Variants in AFAP1 observed in about 807,000 individuals in gnomAD.
The protein encoded by AFAP1 is actin filament associated protein 1.
AFAP1 carries 75 observed loss-of-function variants against 93.9 expected under a neutral mutation model. The observed-to-expected ratio is 0.80, with a 90% confidence interval of 0.66 to 0.97. The LOEUF (loss-of-function observed/expected upper bound fraction) is 0.97. AFAP1 is among the 50% of genes least tolerant of loss of function. The pLI is 0.00. For synonymous variants in AFAP1, 517 were observed against 430.7 expected (o/e 1.20, Z -2.48); for missense variants, 1,201 against 1,050.8 (o/e 1.14, Z -1.98).
intron 17 of AFAP1, among the ~76,000 whole-genome samples, chr4:7,764,014 C>T (rs975350341): frequency 6.6e-6 from 1 of 152,220 alleles, no homozygotes; most frequent in African/African-American, 2.4e-5. Context: ...TTCACAGCAG[C>T]ATGACTCACA....
intron 3 of AFAP1, among the ~76,000 whole-genome samples, chr4:7,864,800 T>C (rs1716221469): frequency 6.6e-6 from 1 of 152,204 alleles, no homozygotes; most frequent in Admixed American, 6.5e-5. Flanking sequence ...TTCTCTGAGA[T>C]GCTTTAGAAA....
chr4:7,843,286 C>T lies in AFAP1; in HGVS notation c.399G>A (p.Lys133=). 1.2e-6 allele frequency: 2 copies of T among 1,614,132 alleles called. No homozygotes were observed. The highest frequency in any genetic ancestry group is 2.2e-5 in the South Asian group (2 of 91,074). ...ESYDEEEEDG[K]GKKTRHQWPS... ...GCCACTGGTGCCGGGTTTTCTTCCC[C>T]TTCCCATCCTCCTCCTCTTCATCAT... The change falls in exon 5 of 18, where the codon AAG becomes AAA. Residue 133 remains lysine (K), a synonymous_variant. Transcript: ENST00000420658.
intron 8 of AFAP1, among the ~76,000 whole-genome samples, chr4:7,810,294 T>A (rs1719895515): frequency 6.6e-6 from 1 of 152,032 alleles, no homozygotes; most frequent in South Asian, 2.1e-4. Flanking sequence ...TAAGATAGGG[T>A]TATGTGGAAG....
chr4:7,886,460 C>T (rs1278519866), intron 1 of AFAP1, among the ~76,000 whole-genome samples: 2 of 152,166 alleles, frequency 1.3e-5, no homozygotes, highest in African/African-American at 4.8e-5. Flanking sequence ...CTCAATATCC[C>T]AAAGGAAAGC....
intron 17 of AFAP1, among the ~76,000 whole-genome samples, chr4:7,767,609 G>A (rs572286550): frequency 2.6e-5 from 4 of 152,216 alleles, no homozygotes; most frequent in African/African-American, 9.6e-5. Flanking sequence ...CGACACACAC[G>A]GTCTTCAGTA....
At chr4:7,902,810 G>A (rs1000921028) in intron 1 of AFAP1, among the ~76,000 whole-genome samples, 1 of 152,168 alleles carries the variant, frequency 6.6e-6, no homozygotes, top group Admixed American at 6.5e-5. Context: ...TACCGCAGTG[G>A]CCTGGAGCGC....
At chr4:7,925,659 C>T (rs1456161784) in intron 1 of AFAP1, among the ~76,000 whole-genome samples, 1 of 152,112 alleles carries the variant, frequency 6.6e-6, no homozygotes, top group Non-Finnish European at 1.5e-5. Context: ...CCAGCCTGAC[C>T]AACAAGGAAA....
intron 12 of AFAP1, among the ~76,000 whole-genome samples, chr4:7,782,234 G>T (rs767199902): frequency 2.6e-5 from 4 of 152,374 alleles, no homozygotes; most frequent in South Asian, 2.1e-4. Flanking sequence ...AGAGCGGAGG[G>T]AAGGGCGCGC....
At chr4:7,904,608 G>T (rs1034608955) in intron 1 of AFAP1, among the ~76,000 whole-genome samples, 14 of 152,182 alleles carry the variant, frequency 9.2e-5, no homozygotes, top group African/African-American at 3.1e-4. Context: ...GGCATAGAAA[G>T]ATTAAGTAAG....
chr4:7,781,395 G>C lies in AFAP1; in HGVS notation c.1763C>G (p.Ser588Cys), dbSNP rs1177053227. Reference protein sequence around the residue: ...VTNTSSVGRASLGLNSQLKGK... With the variant: ...VTNTSSVGRACLGLNSQLKGK... ...CCGTACCTGCGAGTTGAGCCCGAGA[G>C]ACGCCCTCCCCACAGAAGAGGTATT... Residue 588 changes from serine to cysteine, a missense_variant, in exon 13 of 18, where the codon TCT (serine) becomes TGT (cysteine). Transcript: ENST00000420658. The C allele has an allele frequency of 1.3e-6, 2 of 1,551,786 alleles. No individual in the cohort carries two copies. Among genetic ancestry groups the C allele is most frequent in the African/African-American group, 1.4e-5 (1 of 73,168 alleles).
chr4:7,844,644 G>A (rs915780987), intron 4 of AFAP1, among the ~76,000 whole-genome samples: 1 of 152,216 alleles, frequency 6.6e-6, no homozygotes, highest in African/African-American at 2.4e-5. Context: ...CCTGGCACAG[G>A]GCAAGTGCCC....
intron 12 of AFAP1, among the ~76,000 whole-genome samples, chr4:7,785,695 G>C (rs925125432): frequency 6.6e-6 from 1 of 152,194 alleles, no homozygotes; most frequent in Admixed American, 6.5e-5. Context: ...CCAACACTTT[G>C]AAAGTCTGAG....
chr4:7,764,021 C>G (rs543836509), intron 17 of AFAP1, among the ~76,000 whole-genome samples: 1 of 152,322 alleles, frequency 6.6e-6, no homozygotes, highest in South Asian at 2.1e-4. Flanking sequence ...CAGCATGACT[C>G]ACACCAGCCA....
chr4:7,775,014 G>T, intron 14 of AFAP1, 111 bp from the exon 15 acceptor site: 2 of 1,313,028 alleles, frequency 1.5e-6, no homozygotes, highest in Non-Finnish European at 2.1e-6. Flanking sequence ...GGCGGCACAT[G>T]CCTATAGTCC....
intron 6 of AFAP1, among the ~76,000 whole-genome samples, chr4:7,837,936 C>A (rs764706664): frequency 6.6e-6 from 1 of 152,066 alleles, no homozygotes; most frequent in Non-Finnish European, 1.5e-5. Context: ...ATCGATTGAG[C>A]CCAGGAGGCA....
At chr4:7,774,446 T>C in intron 15 of AFAP1, 1 of 390,094 alleles carries the variant, frequency 2.6e-6, no homozygotes, top group Admixed American at 4.2e-5. Context: ...AGACAATCTC[T>C]GTTGTCAGCG....
intron 1 of AFAP1, among the ~76,000 whole-genome samples, chr4:7,902,448 T>G (rs578223871): frequency 3.9e-5 from 6 of 152,210 alleles, no homozygotes; most frequent in Non-Finnish European, 5.9e-5. Flanking sequence ...GACAGGAAGC[T>G]AAAGTGCCTC....
At chr4:7,926,117 C>T (rs189839251) in intron 1 of AFAP1, among the ~76,000 whole-genome samples, 8 of 152,298 alleles carry the variant, frequency 5.3e-5, no homozygotes, top group African/African-American at 1.2e-4. Context: ...TCACACAAGG[C>T]GCAGTGGTAT....
At chr4:7,919,340 G>A (rs948084441) in intron 1 of AFAP1, among the ~76,000 whole-genome samples, 2 of 152,210 alleles carry the variant, frequency 1.3e-5, no homozygotes, top group African/African-American at 2.4e-5. Context: ...TTCAGTCAGC[G>A]TCTGTACACT....
Sources: allele counts gnomAD v4.1 joint callset (sites outside exome capture counted in the v4.1 genomes callset), GRCh38; gene constraint gnomAD v4.1.1; transcripts MANE v1.5; gene names NCBI Gene and HGNC (gene_info 2026-07-23, HGNC 2026-07-21).